Variants in ZDHHC12 observed in about 807,000 individuals in gnomAD.
ZDHHC12 encodes the protein zDHHC palmitoyltransferase 12, also known as palmitoyltransferase ZDHHC12.
Under a neutral mutation model 33.2 loss-of-function variants are expected in ZDHHC12, and 26 were observed. The observed-to-expected ratio is 0.78, with a 90% CI of 0.57 to 1.09. The LOEUF (loss-of-function observed/expected upper bound fraction) is 1.09. Ranked by LOEUF, ZDHHC12 falls within the 50% of genes least tolerant of loss-of-function variation. ZDHHC12 has a pLI of 0.00. For missense variants in ZDHHC12, 350 were observed against 353.0 expected (o/e 0.99, Z 0.07); for synonymous variants, 154 against 152.1 (o/e 1.01, Z -0.09).
Position 128,721,332 on chromosome 9 carries a change from T to C in ZDHHC12, c.653A>G (p.His218Arg). The C allele has an allele frequency of 6.3e-7, 1 of 1,591,908 alleles. No homozygotes were observed. Among genetic ancestry groups the C allele is most frequent in the Non-Finnish European group, 8.6e-7 (1 of 1,169,358 alleles). ...GCGCTGGCGGAGATAGGCGATGCGG[T>C]GTGAGGAGATGAATTCCCAGGTGGT... is the stretch of plus-strand genomic sequence containing the variant. ...NTTTWEFISSHRIAYLRQRPS... is the reference protein window; with the variant it reads ...NTTTWEFISSRRIAYLRQRPS... Residue 218 changes from histidine (H) to arginine (R), a missense_variant, in exon 5 of 5, where the codon CAC (histidine) becomes CGC (arginine). His to Arg is a conservative substitution (Grantham distance 29). Transcript: ENST00000372663. The surrounding 1 kb of genome is among the most constrained non-coding windows in gnomAD (Gnocchi z 6.9).
Position 128,722,513 on chromosome 9 carries a change from C to A in ZDHHC12, c.162G>T (p.Val54=). 1 of 1,585,086 alleles carries A rather than the reference C, an allele frequency of 6.3e-7. No individual in the cohort carries two copies. Among genetic ancestry groups the A allele is most frequent in the Non-Finnish European group, 8.6e-7 (1 of 1,165,274 alleles). The change falls in exon 2 of 5, where the codon GTG becomes GTT. Residue 54 remains valine (V), a synonymous_variant. Coordinates refer to ENST00000372663, the MANE Select transcript of ZDHHC12 (RefSeq NM_032799.5). The surrounding 1 kb of genome is among the most constrained non-coding windows in gnomAD (Gnocchi z 4.2). ...CGAGGTAGAGCAGCAGGGAGCCCAG[C>A]ACCAGGAGCAGGAAGGTGAGGGGCA... ...LLLPLTFLLL[V]LGSLLLYLAV...
At position 128,722,168 on chromosome 9, in the gene ZDHHC12, T is replaced by C; in HGVS notation, c.238-82A>G. On this transcript the variant is annotated intron_variant, in intron 2 of 4. Transcript: ENST00000372663. The surrounding 1 kb of genome is among the most constrained non-coding windows in gnomAD (Gnocchi z 4.2). ...CGGGCAGCTCCCCTAGGGGCCGGCT[T>C]AGCTCTGGGTATGGAGTTTGGGACC... is the stretch of plus-strand genomic sequence containing the variant. The C allele has an allele frequency of 1.3e-6, 2 of 1,532,280 alleles. No homozygotes were observed. The highest frequency in any genetic ancestry group is 1.8e-6 in the Non-Finnish European group (2 of 1,110,972). The allele number at this position is 1,532,280 out of a possible 1,614,324, so 94.9% of individuals were successfully genotyped here.
chr9:128,722,815 A>G lies in ZDHHC12; in HGVS notation c.101-241T>C. ...GAAAACCTCATTGCTAAAGAAATGGATCAGGGGAAGCCTGGGGGCAGAGAA... is the reference window on the plus strand; with the variant it reads ...GAAAACCTCATTGCTAAAGAAATGGGTCAGGGGAAGCCTGGGGGCAGAGAA... On this transcript the variant is annotated intron_variant, in intron 1 of 4. Coordinates refer to ENST00000372663, the MANE Select transcript of ZDHHC12 (RefSeq NM_032799.5). The surrounding 1 kb of genome is among the most constrained non-coding windows in gnomAD (Gnocchi z 4.2). 1 of 1,322,896 alleles carries G rather than the reference A, an allele frequency of 7.6e-7. No individual in the cohort carries two copies. Among genetic ancestry groups the G allele is most frequent in the Non-Finnish European group, 9.9e-7 (1 of 1,012,896 alleles). 81.9% of individuals were successfully genotyped at this position (1,322,896 alleles called of 1,614,324 possible).
In ZDHHC12 at chr9:128,721,551, C is replaced by A; in HGVS notation, c.483-49G>T. On this transcript the variant is annotated intron_variant, in intron 4 of 4. Transcript: ENST00000372663. This position sits in a 1 kb window ranked among gnomAD's most constrained non-coding sequence, Gnocchi z 6.9. ...TGGTGCTGGGGGAGGGCAGGGGAGC[C>A]CTTCCCTCCCCATGCCGGGTCCCTG... is the stretch of plus-strand genomic sequence containing the variant. 6.3e-7 allele frequency: 1 copy of A among 1,588,362 alleles called. No homozygotes were observed. Among genetic ancestry groups the A allele is most frequent in the East Asian group, 2.2e-5 (1 of 44,552 alleles).
Position 128,721,027 on chromosome 9 carries a change from A to G in ZDHHC12, c.*154T>C. On this transcript the variant is annotated 3_prime_UTR_variant, in exon 5 of 5. Transcript: ENST00000372663. This position sits in a 1 kb window ranked among gnomAD's most constrained non-coding sequence, Gnocchi z 6.9. ...TCTTCCTTGGAAGGCAGAACTGCCC[A>G]CCAAGGCAGGGATCTGTCTGACTTG... 1 of 818,644 alleles carries G rather than the reference A, an allele frequency of 1.2e-6. No homozygotes were observed. The highest frequency in any genetic ancestry group is 1.8e-6 in the Non-Finnish European group (1 of 543,570). 50.7% of individuals were successfully genotyped at this position (818,644 alleles called of 1,614,324 possible). A position where few individuals can be genotyped will look rare whatever the true frequency, so the allele number is the denominator to read the frequency against.
In ZDHHC12 at chr9:128,724,109, C is replaced by T. The variant is rs748030284; in HGVS notation, c.-16G>A. The T allele has an allele frequency of 3.9e-6, 6 of 1,529,594 alleles. No individual in the cohort carries two copies. Among genetic ancestry groups the T allele is most frequent in the Admixed American group, 2.0e-5 (1 of 49,372 alleles). 94.8% of individuals were successfully genotyped at this position (1,529,594 alleles called of 1,614,324 possible). A position where few individuals can be genotyped will look rare whatever the true frequency, so the allele number is the denominator to read the frequency against. ...AGGGCGCCATCGCCTCGGCCCGGGG[C>T]CCCACCCGGAAGAAGCGCCCAGAGG... On this transcript the variant is annotated 5_prime_UTR_variant, in exon 1 of 5. Transcript: ENST00000372663.
At position 128,722,913 on chromosome 9, in the gene ZDHHC12, GC is replaced by G; in HGVS notation, c.101-340del. On this transcript the variant is annotated intron_variant, in intron 1 of 4. Transcript: ENST00000372663. The surrounding 1 kb of genome is among the most constrained non-coding windows in gnomAD (Gnocchi z 4.2). ...TGAGGGAGGAAGGAATGGACAGGGG[GC>G]TGCTGGGTCAAGGGAGCCAGACCTG... The G allele has an allele frequency of 2.3e-6, 1 of 433,314 alleles. No homozygotes were observed. The highest frequency in any genetic ancestry group is 3.7e-6 in the Non-Finnish European group (1 of 270,378). 26.8% of individuals were successfully genotyped at this position (433,314 alleles called of 1,614,324 possible). A position where few individuals can be genotyped will look rare whatever the true frequency, so the allele number is the denominator to read the frequency against.
chr9:128,724,090 C>T lies in ZDHHC12; in HGVS notation c.4G>A (p.Ala2Thr), dbSNP rs759576640. Reference protein sequence around the residue: MAPWALLSPGVL... With the variant: MTPWALLSPGVL... The stretch of plus-strand genomic sequence containing the variant: ...CCAGGGCTGAGGAGCGCCCAGGGCG[C>T]CATCGCCTCGGCCCGGGGCCCCACC... The change falls in exon 1 of 5, where the codon GCG becomes ACG. Residue 2 changes from alanine to threonine, a missense_variant. Physicochemically the swap from Ala to Thr is moderately conservative, Grantham distance 58. Coordinates refer to ENST00000372663, the MANE Select transcript of ZDHHC12 (RefSeq NM_032799.5). 1 of 1,577,000 alleles carries T rather than the reference C, an allele frequency of 6.3e-7. No homozygotes were observed. The highest frequency in any genetic ancestry group is 8.6e-7 in the Non-Finnish European group (1 of 1,158,440).
rs1362049175 is a variant in ZDHHC12, at chr9:128,721,589, C to T, written c.482+62G>A. ...TGCCGGGTCCCTGGGAGTCCTGGCT[C>T]TGTCCACCCCTGTGGGAGCATTCAT... On this transcript the variant is annotated intron_variant, in intron 4 of 4. Transcript: ENST00000372663. This position sits in a 1 kb window ranked among gnomAD's most constrained non-coding sequence, Gnocchi z 6.9. 6.3e-7 allele frequency: 1 copy of T among 1,592,786 alleles called. No homozygotes were observed. The highest frequency in any genetic ancestry group is 8.6e-7 in the Non-Finnish European group (1 of 1,167,054).
In ZDHHC12 at chr9:128,723,919, G is replaced by GACC; in HGVS notation, c.100+72_100+74dup. On this transcript the variant is annotated intron_variant, in intron 1 of 4. Coordinates refer to ENST00000372663, the MANE Select transcript of ZDHHC12 (RefSeq NM_032799.5). This position sits in a 1 kb window ranked among gnomAD's most constrained non-coding sequence, Gnocchi z 4.4. Reference sequence around the variant, plus strand: ...CAGGATCTCCAGGGATTAGGCGGGAGACCCAGTGTGACCAGAACGTCTGGG... The same window carrying GACC: ...CAGGATCTCCAGGGATTAGGCGGGAGACCACCCAGTGTGACCAGAACGTCTGGG... The GACC allele has an allele frequency of 1.3e-6, 2 of 1,543,580 alleles. No individual in the cohort carries two copies. Among genetic ancestry groups the GACC allele is most frequent in the Non-Finnish European group, 1.8e-6 (2 of 1,138,450 alleles).
At position 128,721,698 on chromosome 9, in the gene ZDHHC12, G is replaced by A; in HGVS notation, c.435C>T (p.Tyr145=). 3.1e-6 allele frequency: 5 copies of A among 1,613,944 alleles called. No individual in the cohort carries two copies. Among genetic ancestry groups the A allele is most frequent in the Non-Finnish European group, 4.2e-6 (5 of 1,179,994 alleles). Residue 145 remains tyrosine, a synonymous_variant, in exon 4 of 5, where the codon TAC becomes TAT. Coordinates refer to ENST00000372663, the MANE Select transcript of ZDHHC12 (RefSeq NM_032799.5). This position sits in a 1 kb window ranked among gnomAD's most constrained non-coding sequence, Gnocchi z 6.9. ...GAAGCACCACCAGCTGCAGCGCCAG[G>A]TAGACCACAAAGAGTGGGTGGTTGC... ...GERNHPLFVV[Y]LALQLVVLLW... is the part of the protein sequence containing the mutation.
Position 128,722,413 on chromosome 9 carries a change from G to T in ZDHHC12, c.237+25C>A. 6.8e-7 allele frequency: 1 copy of T among 1,473,510 alleles called. No homozygotes were observed. The highest frequency in any genetic ancestry group is 1.4e-5 in the South Asian group (1 of 71,638). 91.3% of individuals were successfully genotyped at this position (1,473,510 alleles called of 1,614,324 possible). ...TGGTGCTGGTTGTTAGGTCCCTGTTGGTGAGAGTAGGGGCCCCTGGTTACC... is the reference window on the plus strand; with the variant it reads ...TGGTGCTGGTTGTTAGGTCCCTGTTTGTGAGAGTAGGGGCCCCTGGTTACC... On this transcript the variant is annotated intron_variant, in intron 2 of 4. Transcript: ENST00000372663. The surrounding 1 kb of genome is among the most constrained non-coding windows in gnomAD (Gnocchi z 4.2).
Position 128,722,733 on chromosome 9 carries a change from CT to C in ZDHHC12, c.101-160del. On this transcript the variant is annotated intron_variant, in intron 1 of 4. Transcript: ENST00000372663. This position sits in a 1 kb window ranked among gnomAD's most constrained non-coding sequence, Gnocchi z 4.2. ...GTGTGTGGCCAGCAGTTCATCTGCA[CT>C]TTTATCTGGAGGGTCAGAGGGAACC... The C allele has an allele frequency of 6.9e-7, 1 of 1,447,470 alleles. No individual in the cohort carries two copies. Among genetic ancestry groups the C allele is most frequent in the Non-Finnish European group, 9.1e-7 (1 of 1,095,052 alleles). 89.7% of individuals were successfully genotyped at this position (1,447,470 alleles called of 1,614,324 possible).
Position 128,724,083 on chromosome 9 carries a change from C to A in ZDHHC12, c.11G>T (p.Trp4Leu). The change falls in exon 1 of 5, where the codon TGG becomes TTG. Residue 4 changes from tryptophan (W) to leucine (L), a missense_variant. Trp to Leu is a moderately conservative substitution (Grantham distance 61). Transcript: ENST00000372663. ...CAGGACCCCAGGGCTGAGGAGCGCCCAGGGCGCCATCGCCTCGGCCCGGGG... is the reference window on the plus strand; with the variant it reads ...CAGGACCCCAGGGCTGAGGAGCGCCAAGGGCGCCATCGCCTCGGCCCGGGG... MAP[W>L]ALLSPGVLVR... 6.3e-7 allele frequency: 1 copy of A among 1,585,566 alleles called. No individual in the cohort carries two copies. The highest frequency in any genetic ancestry group is 8.6e-7 in the Non-Finnish European group (1 of 1,162,740).
At position 128,721,610 on chromosome 9, in the gene ZDHHC12, T is replaced by G; in HGVS notation, c.482+41A>C. The G allele has an allele frequency of 6.3e-7, 1 of 1,599,642 alleles. No individual in the cohort carries two copies. The highest frequency in any genetic ancestry group is 1.1e-5 in the South Asian group (1 of 89,768). ...GGCTCTGTCCACCCCTGTGGGAGCA[T>G]TCATCCCACCCTCCCTCTACACCCG... On this transcript the variant is annotated intron_variant, in intron 4 of 4. Transcript: ENST00000372663. This position sits in a 1 kb window ranked among gnomAD's most constrained non-coding sequence, Gnocchi z 6.9.
In ZDHHC12 at chr9:128,722,359, G is replaced by T. The variant is rs1862589910; in HGVS notation, c.237+79C>A. On this transcript the variant is annotated intron_variant, in intron 2 of 4. Coordinates refer to ENST00000372663, the MANE Select transcript of ZDHHC12 (RefSeq NM_032799.5). The surrounding 1 kb of genome is among the most constrained non-coding windows in gnomAD (Gnocchi z 4.2). ...GAGTCACTGAACTGCTCCCACAAGA[G>T]CCTGCAGCACAGAGCCTGGCATGGA... is the stretch of plus-strand genomic sequence containing the variant. 2.8e-6 allele frequency: 4 copies of T among 1,442,352 alleles called. No homozygotes were observed. The highest frequency in any genetic ancestry group is 5.6e-5 in the Admixed American group (2 of 35,982). The allele number at this position is 1,442,352 out of a possible 1,614,324, so 89.3% of individuals were successfully genotyped here.
chr9:128,722,690 T>C lies in ZDHHC12; in HGVS notation c.101-116A>G, dbSNP rs1263924618. 1 of 1,489,976 alleles carries C rather than the reference T, an allele frequency of 6.7e-7. No individual in the cohort carries two copies. The highest frequency in any genetic ancestry group is 1.4e-5 in the African/African-American group (1 of 71,272). 92.3% of individuals were successfully genotyped at this position (1,489,976 alleles called of 1,614,324 possible). A position where few individuals can be genotyped will look rare whatever the true frequency, so the allele number is the denominator to read the frequency against. Reference sequence around the variant, plus strand: ...CTGGCTGAGCAAAGGCCTGGAGATGTTGGTTCCATGAGTGGCTGTGTGTGG... The same window carrying C: ...CTGGCTGAGCAAAGGCCTGGAGATGCTGGTTCCATGAGTGGCTGTGTGTGG... On this transcript the variant is annotated intron_variant, in intron 1 of 4. Coordinates refer to ENST00000372663, the MANE Select transcript of ZDHHC12 (RefSeq NM_032799.5). This position sits in a 1 kb window ranked among gnomAD's most constrained non-coding sequence, Gnocchi z 4.2.
Position 128,722,234 on chromosome 9 carries a change from C to A in ZDHHC12, c.238-148G>T. On this transcript the variant is annotated intron_variant, in intron 2 of 4. Coordinates refer to ENST00000372663, the MANE Select transcript of ZDHHC12 (RefSeq NM_032799.5). This position sits in a 1 kb window ranked among gnomAD's most constrained non-coding sequence, Gnocchi z 4.2. ...GGAGGTGTGGGGTATGGCGGAGCAC[C>A]CTGGACTGAGGGCGGCTGTGTATGT... The A allele has an allele frequency of 8.6e-7, 1 of 1,156,682 alleles. No homozygotes were observed. Among genetic ancestry groups the A allele is most frequent in the Non-Finnish European group, 1.2e-6 (1 of 811,256 alleles). The allele number at this position is 1,156,682 out of a possible 1,614,324, so 71.7% of individuals were successfully genotyped here.
In ZDHHC12 at chr9:128,721,775, C is replaced by A; in HGVS notation, c.358G>T (p.Val120Phe). 1 of 1,613,502 alleles carries A rather than the reference C, an allele frequency of 6.2e-7. No homozygotes were observed. The highest frequency in any genetic ancestry group is 1.3e-5 in the African/African-American group (1 of 75,044). Residue 120 changes from valine to phenylalanine, a missense_variant, in exon 4 of 5, where the codon GTC becomes TTC. By Grantham distance (50) the Val-to-Phe change is conservative. Coordinates refer to ENST00000372663, the MANE Select transcript of ZDHHC12 (RefSeq NM_032799.5). The surrounding 1 kb of genome is among the most constrained non-coding windows in gnomAD (Gnocchi z 6.9). Reference sequence around the variant, plus strand: ...GGGCAGTGGTGGTCGTAGCGGCGGACGCAACGGCGGCACTCACGGCAGTGC... The same window carrying A: ...GGGCAGTGGTGGTCGTAGCGGCGGAAGCAACGGCGGCACTCACGGCAGTGC... The part of the protein sequence containing the change: ...ARHCRECRRC[V>F]RRYDHHCPWM...
Sources: allele counts gnomAD v4.1 joint callset, GRCh38; gene constraint gnomAD v4.1.1; non-coding constraint Gnocchi (gnomAD v3.1); transcripts MANE v1.5; gene names NCBI Gene and HGNC (gene_info 2026-07-23, HGNC 2026-07-21).